The following CHST9 variants were observed in gnomAD, a reference collection of about 807,000 sequenced individuals.
CHST9 encodes carbohydrate sulfotransferase 9, also known as GalNAc-4-sulfotransferase 2.
A neutral mutation model predicts 44.4 loss-of-function variants in CHST9; 41 were observed. The observed-to-expected ratio is 0.92, with a 90% CI of 0.72 to 1.20. The LOEUF is 1.20. CHST9 is among the 50% of genes most tolerant of loss of function. CHST9 has a pLI of 0.00. For missense variants in CHST9, 504 were observed against 516.5 expected, an observed-to-expected ratio of 0.98 and a Z score of 0.23; for synonymous variants, 171 against 178.4, an observed-to-expected ratio of 0.96 and a Z score of 0.33.
intron 2 of CHST9, among the ~76,000 whole-genome samples, chr18:27,089,644 A>G (rs978630278): frequency 2.0e-5 from 3 of 152,146 alleles, no homozygotes; most frequent in African/African-American, 7.2e-5. Context: ...TCCTTTGGGT[A>G]TATACCCAGT....
At chr18:27,123,710 G>A (rs892612583) in intron 2 of CHST9, among the ~76,000 whole-genome samples, 8 of 152,190 alleles carry the variant, frequency 5.3e-5, no homozygotes, top group Non-Finnish European at 1.2e-4. Flanking sequence ...ACAGAAGAGA[G>A]TATTTCTTAT....
chr18:27,161,664 C>T (rs1598769607), intron 1 of CHST9, among the ~76,000 whole-genome samples: 1 of 151,090 alleles, frequency 6.6e-6, no homozygotes, highest in Non-Finnish European at 1.5e-5. Flanking sequence ...CCTGGATATC[C>T]TTAACTTTCT....
intron 4 of CHST9, among the ~76,000 whole-genome samples, chr18:26,955,454 G>GT (rs893078441): frequency 1.3e-5 from 2 of 152,208 alleles, no homozygotes; most frequent in African/African-American, 2.4e-5. Context: ...TACTCAAATA[G>GT]TTTTTTTGGG....
chr18:26,970,433 T>C (rs1372430805), intron 4 of CHST9, among the ~76,000 whole-genome samples: 1 of 152,138 alleles, frequency 6.6e-6, no homozygotes, highest in Non-Finnish European at 1.5e-5. Context: ...ACTATTATTA[T>C]TATTATTATT....
At chr18:27,079,783 G>T (rs766925746) in intron 2 of CHST9, among the ~76,000 whole-genome samples, 49 of 152,074 alleles carry the variant, frequency 3.2e-4, no homozygotes, top group Non-Finnish European at 6.3e-4. Context: ...TGTCCACCCC[G>T]GCCTTCTGCA....
intron 2 of CHST9, among the ~76,000 whole-genome samples, chr18:27,072,880 C>T: frequency 6.6e-6 from 1 of 152,242 alleles, no homozygotes; most frequent in Non-Finnish European, 1.5e-5. Context: ...TAGATCCTTG[C>T]AACTCAAAGT....
intron 1 of CHST9, among the ~76,000 whole-genome samples, chr18:27,170,875 T>C (rs2058828787): frequency 1.3e-5 from 2 of 152,214 alleles, no homozygotes; most frequent in Admixed American, 1.3e-4. Context: ...CAAAAGGCTG[T>C]CCAGCAAATC....
intron 2 of CHST9, among the ~76,000 whole-genome samples, chr18:27,078,598 G>A (rs1202576876): frequency 2.0e-5 from 3 of 152,144 alleles, no homozygotes; most frequent in African/African-American, 2.4e-5. Context: ...ATGGTGTTAT[G>A]TGACTTGCCT....
intron 2 of CHST9, among the ~76,000 whole-genome samples, chr18:27,068,656 T>A (rs2057807448): frequency 6.6e-6 from 1 of 152,222 alleles, no homozygotes; most frequent in Admixed American, 6.5e-5. Context: ...TAGTTGAATT[T>A]GTACCCTATA....
intron 4 of CHST9, among the ~76,000 whole-genome samples, chr18:26,978,937 G>T (rs1303748060): frequency 6.6e-6 from 1 of 152,076 alleles, no homozygotes; most frequent in Non-Finnish European, 1.5e-5. Flanking sequence ...TAGCCAATAA[G>T]AATTTTCTAG....
chr18:27,082,642 T>C (rs1201964484), intron 2 of CHST9, among the ~76,000 whole-genome samples: 2 of 152,216 alleles, frequency 1.3e-5, no homozygotes, highest in African/African-American at 2.4e-5. Context: ...GTAAAACTCT[T>C]GGGCAAAAAT....
At chr18:27,107,810 G>A (rs1234620927) in intron 2 of CHST9, among the ~76,000 whole-genome samples, 1 of 152,166 alleles carries the variant, frequency 6.6e-6, no homozygotes, top group African/African-American at 2.4e-5. Flanking sequence ...CTAATGGAAT[G>A]TGTTTCCTTC....
intron 4 of CHST9, among the ~76,000 whole-genome samples, chr18:26,995,437 CAAA>C (rs11284514): frequency 2.1e-4 from 22 of 102,640 alleles, no homozygotes; most frequent in African/African-American, 2.4e-4. Context: ...GACTCCGTCT[CAAA>C]AAAAAAAAAA....
intron 1 of CHST9, among the ~76,000 whole-genome samples, chr18:27,156,324 G>C (rs1372212554): frequency 6.6e-6 from 1 of 151,976 alleles, no homozygotes; most frequent in East Asian, 1.9e-4. Flanking sequence ...AAAAGAAGAA[G>C]TGTATGTGAG....
At chr18:27,046,504 T>C (rs186190980) in intron 3 of CHST9, among the ~76,000 whole-genome samples, 379 of 152,014 alleles carry the variant, frequency 2.5e-3, no homozygotes, top group Middle Eastern at 3.4e-3. Context: ...ATATAGTAAC[T>C]GGGGAGGCAG....
intron 5 of CHST9, among the ~76,000 whole-genome samples, chr18:26,922,641 A>C (rs1008822994): frequency 2.6e-5 from 4 of 151,704 alleles, no homozygotes; most frequent in African/African-American, 7.3e-5. Flanking sequence ...TTATTTATTT[A>C]TTTATTTATT....
At chr18:27,045,366 C>G (rs1208612631) in intron 3 of CHST9, among the ~76,000 whole-genome samples, 2 of 152,016 alleles carry the variant, frequency 1.3e-5, no homozygotes, top group African/African-American at 2.4e-5. Flanking sequence ...CCTCTTTGCA[C>G]TTTATGCTGT....
At chr18:27,160,734 T>G (rs2058739479) in intron 1 of CHST9, among the ~76,000 whole-genome samples, 1 of 152,234 alleles carries the variant, frequency 6.6e-6, no homozygotes, top group Non-Finnish European at 1.5e-5. Context: ...TGAATCCATC[T>G]GATCCTGGAC....
At chr18:27,090,131 T>C (rs1044824005) in intron 2 of CHST9, among the ~76,000 whole-genome samples, 2 of 152,094 alleles carry the variant, frequency 1.3e-5, no homozygotes, top group African/African-American at 4.8e-5. Context: ...TTTTAATGAT[T>C]GCCATTCTAA....
Sources: allele counts gnomAD v4.1 joint callset (sites outside exome capture counted in the v4.1 genomes callset), GRCh38; gene constraint gnomAD v4.1.1; transcripts MANE v1.5; gene names NCBI Gene and HGNC (gene_info 2026-07-23, HGNC 2026-07-21).